Variants in CRAMP1 observed in about 807,000 individuals in gnomAD.
CRAMP1 encodes cramped chromatin regulator 1.
A neutral mutation model predicts 115.4 loss-of-function variants in CRAMP1; 50 were observed. The ratio of observed to expected loss-of-function variants is 0.43; its 90% CI spans 0.35 to 0.55. The LOEUF (loss-of-function observed/expected upper bound fraction) is 0.55. Among genes scored for constraint, CRAMP1 ranks in the 20% least tolerant of loss-of-function variants. The pLI, the probability that CRAMP1 is intolerant of heterozygous loss-of-function variation, is 0.01. For synonymous variants in CRAMP1, 866 were observed against 745.4 expected, an observed-to-expected ratio of 1.16 and a Z score of -2.64; for missense variants, 1,679 against 1,721.7, an observed-to-expected ratio of 0.98 and a Z score of 0.44.
intron 10 of CRAMP1, among the ~76,000 whole-genome samples, chr16:1,658,580 C>T (rs1418906472): frequency 6.6e-6 from 1 of 152,134 alleles, no homozygotes; most frequent in Non-Finnish European, 1.5e-5. Flanking sequence ...CAGACAGGTG[C>T]CTGATGCAGC....
At position 1,652,522 on chromosome 16, in the gene CRAMP1, G is replaced by T. The variant is rs1160174156; in HGVS notation, c.854G>T (p.Arg285Leu). Residue 285 changes from arginine to leucine, a missense_variant, in exon 7 of 21, where the codon CGG becomes CTG. Physicochemically the swap from Arg to Leu is moderately radical, Grantham distance 102. Coordinates refer to ENST00000397412, the MANE Select transcript of CRAMP1 (RefSeq NM_020825.4). ...VGATTVRYKGRNLRIKAPMCR... is the reference protein window; with the variant it reads ...VGATTVRYKGLNLRIKAPMCR... ...GCCACCACTGTACGTTACAAAGGGC[G>T]GAACCTGCGGATCAAAGCGCCCATG... 6.4e-7 allele frequency: 1 copy of T among 1,552,476 alleles called. No individual in the cohort carries two copies.
At chr16:1,667,302 C>T in intron 16 of CRAMP1, 33 bp from the exon 17 acceptor site, 1 of 1,601,538 alleles carries the variant, frequency 6.2e-7, no homozygotes, top group Non-Finnish European at 8.5e-7. Flanking sequence ...CTGGTGCACC[C>T]TGCGGCTGCT....
chr16:1,630,557 T>G (rs1266457428), intron 3 of CRAMP1, among the ~76,000 whole-genome samples: 2 of 152,164 alleles, frequency 1.3e-5, no homozygotes, highest in African/African-American at 4.8e-5. Flanking sequence ...AGCCGCACTG[T>G]GAGGGTATGA....
intron 5 of CRAMP1, among the ~76,000 whole-genome samples, chr16:1,640,582 T>G (rs950253711): frequency 2.0e-5 from 3 of 152,174 alleles, no homozygotes; most frequent in African/African-American, 7.2e-5. Flanking sequence ...TTCTTGCACA[T>G]CTTGAAGATA....
chr16:1,616,576 G>T (rs999360216), intron 2 of CRAMP1, among the ~76,000 whole-genome samples: 2 of 152,164 alleles, frequency 1.3e-5, no homozygotes, highest in Non-Finnish European at 2.9e-5. Flanking sequence ...TTTGGCAGTT[G>T]GGACGAGGGG....
rs368602730 is a variant in CRAMP1 at position 1,667,390 on chromosome 16, A to G, written c.3092A>G (p.Asp1031Gly). ...AGGCCTGAGCAGGAGCCAGTGGCAG[A>G]CAGTTTCCAGGTAGAGTGTGCTCTT... ...PSRPEQEPVADSFQGSSVLSL... is the reference protein window; with the variant it reads ...PSRPEQEPVAGSFQGSSVLSL... The change falls in exon 17 of 21, where the codon GAC becomes GGC. Residue 1031 changes from aspartate to glycine, a missense_variant. Around this residue, in one of 8 missense-constraint regions of CRAMP1, gnomAD observed 709 missense variants for 741.9 expected, o/e 0.96. Coordinates refer to ENST00000397412, the MANE Select transcript of CRAMP1 (RefSeq NM_020825.4). 8.1e-6 allele frequency: 13 copies of G among 1,612,620 alleles called. No individual in the cohort carries two copies. The highest frequency in any genetic ancestry group is 1.3e-5 in the African/African-American group (1 of 74,908).
At chr16:1,613,009 C>G (rs749337069) in intron 1 of CRAMP1, among the ~76,000 whole-genome samples, 2 of 152,126 alleles carry the variant, frequency 1.3e-5, no homozygotes, top group African/African-American at 2.4e-5. Context: ...GGGTGTGGAG[C>G]CCGGCGAGCG....
rs572729513 is a variant in CRAMP1 at position 1,653,839 on chromosome 16, A to G, written c.1037+683A>G. Among the ~76,000 whole-genome samples, 867 of 140,008 alleles carry G rather than the reference A, an allele frequency of 6.2e-3. 3 individuals carry two copies. Among genetic ancestry groups the G allele is most frequent in the Non-Finnish European group, 0.011 (735 of 64,950 alleles). 91.9% of individuals were successfully genotyped at this position (140,008 alleles called of 152,430 possible). On this transcript the variant is annotated intron_variant, in intron 8 of 20. Coordinates refer to ENST00000397412, the MANE Select transcript of CRAMP1 (RefSeq NM_020825.4). ...CTGTCTCAAAAAAAAAAAAAAAAAC[A>G]AACAAAAAAGAAATTGAGGTGACTG...
At chr16:1,641,402 G>A (rs143846483) in intron 6 of CRAMP1, among the ~76,000 whole-genome samples, 4 of 152,316 alleles carry the variant, frequency 2.6e-5, no homozygotes, top group African/African-American at 7.2e-5. Flanking sequence ...AGGAAGTGCC[G>A]TCTTTGGCCT....
chr16:1,665,458 G>A, intron 14 of CRAMP1, among the ~76,000 whole-genome samples: 1 of 152,238 alleles, frequency 6.6e-6, no homozygotes, highest in South Asian at 2.1e-4. Flanking sequence ...CCGTTTTATG[G>A]GATGGATGTG....
Position 1,669,011 on chromosome 16 carries a change from C to T in CRAMP1, c.3345C>T (p.Val1115=). The T allele has an allele frequency of 1.2e-6, 2 of 1,613,002 alleles. No individual in the cohort carries two copies. Among genetic ancestry groups the T allele is most frequent in the South Asian group, 1.1e-5 (1 of 90,880 alleles). ...GATCTTGGTTGGCAGGTGAAGGAGT[C>T]CCTCTTTCTCCAGCAAAACTGAATG... ...AISSGQYGEG[V]PLSPAKLNGS... The change falls in exon 19 of 21, where the codon GTC becomes GTT. Residue 1115 remains valine (V), a synonymous_variant. Coordinates refer to ENST00000397412, the MANE Select transcript of CRAMP1 (RefSeq NM_020825.4). This position sits in a 1 kb window ranked among gnomAD's most constrained non-coding sequence, Gnocchi z 4.6.
intron 6 of CRAMP1, chr16:1,647,080 G>A (rs1393559467): frequency 1.4e-6 from 1 of 702,836 alleles, no homozygotes; most frequent in Non-Finnish European, 2.6e-6. Flanking sequence ...AAATGACTGA[G>A]GTGCCTGTGG....
At chr16:1,631,465 C>T (rs1213262209) in intron 3 of CRAMP1, among the ~76,000 whole-genome samples, 1 of 152,206 alleles carries the variant, frequency 6.6e-6, no homozygotes, top group African/African-American at 2.4e-5. Context: ...CCTGGGAGCC[C>T]AGCTTCCCTT....
intron 6 of CRAMP1, among the ~76,000 whole-genome samples, chr16:1,649,197 G>T (rs2036702124): frequency 6.6e-6 from 1 of 152,122 alleles, no homozygotes. Flanking sequence ...CTACCGTCTT[G>T]ACTCTTTGGT....
intron 2 of CRAMP1, among the ~76,000 whole-genome samples, chr16:1,619,556 A>T (rs1449116307): frequency 1.3e-5 from 2 of 152,214 alleles, no homozygotes; most frequent in Non-Finnish European, 2.9e-5. Context: ...TTTGTAGTTT[A>T]GTTGGGATAT....
At chr16:1,628,712 G>A (rs2036525760) in intron 3 of CRAMP1, among the ~76,000 whole-genome samples, 1 of 152,216 alleles carries the variant, frequency 6.6e-6, no homozygotes. Flanking sequence ...TGAGAAGTGC[G>A]GCTTCTGCCA....
intron 4 of CRAMP1, among the ~76,000 whole-genome samples, chr16:1,634,106 G>A (rs568111670): frequency 6.6e-6 from 1 of 152,246 alleles, no homozygotes; most frequent in Admixed American, 6.5e-5. Flanking sequence ...AGCTCTCTAT[G>A]GGGGAAGCTG....
intron 2 of CRAMP1, among the ~76,000 whole-genome samples, chr16:1,616,147 G>A (rs987617149): frequency 3.9e-5 from 6 of 152,204 alleles, no homozygotes; most frequent in African/African-American, 9.7e-5. Context: ...TTTAAAACTT[G>A]CCTCATATGA....
intron 6 of CRAMP1, among the ~76,000 whole-genome samples, chr16:1,644,732 C>A (rs1489232423): frequency 6.6e-6 from 1 of 152,150 alleles, no homozygotes; most frequent in African/African-American, 2.4e-5. Flanking sequence ...CTGGGCCAGG[C>A]CCAGCTCTGA....
Sources: allele counts gnomAD v4.1 joint callset (sites outside exome capture counted in the v4.1 genomes callset), GRCh38; gene constraint gnomAD v4.1.1; regional missense constraint gnomAD v4.1.1; non-coding constraint Gnocchi (gnomAD v3.1); transcripts MANE v1.5; gene names NCBI Gene and HGNC (gene_info 2026-07-23, HGNC 2026-07-21).